PC: variants seen among roughly 807,000 people sequenced by gnomAD.
PC encodes pyruvate carboxylase, mitochondrial.
PC carries 46 observed loss-of-function variants against 107.8 expected under a neutral mutation model. The observed-to-expected ratio is 0.43, with a 90% CI of 0.34 to 0.55. PC has a LOEUF of 0.55. PC is among the 20% of genes least tolerant of loss of function. The pLI is 0.04. For missense variants in PC, 1,241 were observed against 1,643.1 expected, an observed-to-expected ratio of 0.76 and a Z score of 4.23; for synonymous variants, 662 against 684.7, an observed-to-expected ratio of 0.97 and a Z score of 0.52.
At chr11:66,856,659 T>G (rs988743449) in intron 12 of PC, 2 of 152,252 alleles carry the variant, frequency 1.3e-5, no homozygotes, top group African/African-American at 4.8e-5. Context: ...GACGTGTGGG[T>G]GTGTGGGCAT....
Position 66,857,403 on chromosome 11 carries a change from GTGGGGAGGCGGCTGGCGATTCC to G in PC, c.1369-4042_1369-4021del. Reference sequence around the variant, plus strand: ...CTGGCGGGGGAGGGTATGGCGGGGAGTGGGGAGGCGGCTGGCGATTCCTGGGGACGCCTGGGAAAGGAAGTTC... The same window carrying G: ...CTGGCGGGGGAGGGTATGGCGGGGAGTGGGGACGCCTGGGAAAGGAAGTTC... On this transcript the variant is annotated intron_variant, in intron 12 of 22. Coordinates refer to ENST00000393960, the MANE Select transcript of PC (RefSeq NM_001040716.2). The surrounding 1 kb of genome is among the most constrained non-coding windows in gnomAD (Gnocchi z 7.1). 1 of 281,428 alleles carries G rather than the reference GTGGGGAGGCGGCTGGCGATTCC, an allele frequency of 3.6e-6. No homozygotes were observed. Among genetic ancestry groups the G allele is most frequent in the Non-Finnish European group, 6.6e-6 (1 of 150,532 alleles). The allele number at this position is 281,428 out of a possible 1,614,324, so 17.4% of individuals were successfully genotyped here.
intron 3 of PC, among the ~76,000 whole-genome samples, chr11:66,928,157 C>T (rs1351950348): frequency 2.6e-5 from 4 of 151,982 alleles, no homozygotes; most frequent in African/African-American, 4.8e-5. Context: ...GAGCCTAAGG[C>T]GGGCGGATCA....
chr11:66,864,581 A>C (rs1946413186), intron 11 of PC, among the ~76,000 whole-genome samples: 1 of 152,074 alleles, frequency 6.6e-6, no homozygotes, highest in Admixed American at 6.5e-5. Context: ...GAGGGAGAGG[A>C]GGCAACGAGG....
intron 12 of PC, among the ~76,000 whole-genome samples, chr11:66,863,459 G>A (rs1030065091): frequency 2.6e-5 from 4 of 152,240 alleles, no homozygotes; most frequent in Non-Finnish European, 4.4e-5. Flanking sequence ...CACATTCCAG[G>A]TGATTCTCAC....
At chr11:66,888,269 C>A (rs540518094) in intron 3 of PC, among the ~76,000 whole-genome samples, 1 of 152,324 alleles carries the variant, frequency 6.6e-6, no homozygotes, top group South Asian at 2.1e-4. Flanking sequence ...GTAATGTCCT[C>A]CAATTTTGGA....
At chr11:66,919,764 G>A (rs1948549928) in intron 3 of PC, 1 of 152,194 alleles carries the variant, frequency 6.6e-6, no homozygotes, top group Non-Finnish European at 1.5e-5. Flanking sequence ...CTAGGCGTTA[G>A]TGTTACAGCA....
chr11:66,865,472 C>T (rs1946452816), intron 11 of PC, among the ~76,000 whole-genome samples: 1 of 152,256 alleles, frequency 6.6e-6, no homozygotes, highest in African/African-American at 2.4e-5. Context: ...CGCAGGGCTC[C>T]TGCCCACAGC....
chr11:66,935,521 T>C (rs1163007756), intron 3 of PC, among the ~76,000 whole-genome samples: 1 of 152,174 alleles, frequency 6.6e-6, no homozygotes, highest in African/African-American at 2.4e-5. Context: ...CAAACGTCCA[T>C]GAAGTGATAA....
chr11:66,924,589 T>C (rs1948671193), intron 3 of PC, among the ~76,000 whole-genome samples: 2 of 152,064 alleles, frequency 1.3e-5, no homozygotes, highest in Non-Finnish European at 2.9e-5. Context: ...TAGCTGAGAC[T>C]ACAGGTGCGC....
At position 66,866,475 on chromosome 11, in the gene PC, T is replaced by C. The variant is rs1946501665; in HGVS notation, c.1023-126A>G. Reference sequence around the variant, plus strand: ...CAGTGCGACTCCTGCCCATAGGCTCTGGGCCAGCCTGAACAGCCGGTTCCT... The same window carrying C: ...CAGTGCGACTCCTGCCCATAGGCTCCGGGCCAGCCTGAACAGCCGGTTCCT... On this transcript the variant is annotated intron_variant, in intron 10 of 22. Coordinates refer to ENST00000393960, the MANE Select transcript of PC (RefSeq NM_001040716.2). This position sits in a 1 kb window ranked among gnomAD's most constrained non-coding sequence, Gnocchi z 5.4. 1 of 715,840 alleles carries C rather than the reference T, an allele frequency of 1.4e-6. No homozygotes were observed. The highest frequency in any genetic ancestry group is 2.2e-5 in the Admixed American group (1 of 45,420). The allele number at this position is 715,840 out of a possible 1,614,324, so 44.3% of individuals were successfully genotyped here.
At chr11:66,925,578 T>C (rs1043373543) in intron 3 of PC, among the ~76,000 whole-genome samples, 1 of 152,160 alleles carries the variant, frequency 6.6e-6, no homozygotes, top group Admixed American at 6.5e-5. Context: ...AGATTTCATA[T>C]TGTTCAAACA....
chr11:66,850,928 G>C lies in PC; in HGVS notation c.2224-5C>G. On this transcript the variant is annotated splice_polypyrimidine_tract_variant and splice_region_variant and intron_variant, in intron 17 of 22. Coordinates refer to ENST00000393960, the MANE Select transcript of PC (RefSeq NM_001040716.2). ...CTTCAGCAGCCCGGCCATGTCCTGG[G>C]GGAAGTGGGAGAGAGAGAGAGAGAG... The C allele has an allele frequency of 1.2e-6, 2 of 1,608,368 alleles. No individual in the cohort carries two copies. The highest frequency in any genetic ancestry group is 1.7e-6 in the Non-Finnish European group (2 of 1,179,940).
At chr11:66,936,328 A>G (rs867111390) in intron 3 of PC, among the ~76,000 whole-genome samples, 1 of 152,170 alleles carries the variant, frequency 6.6e-6, no homozygotes, top group Non-Finnish European at 1.5e-5. Flanking sequence ...CTACACACAC[A>G]TAAGGGATAT....
rs749176333 is a variant in PC, at chr11:66,851,135, C to T, written c.2128G>A (p.Val710Met). The change falls in exon 17 of 23, where the codon GTG becomes ATG. Residue 710 changes from valine to methionine, a missense_variant. Physicochemically the swap from Val to Met is conservative, Grantham distance 21. Around this residue, in one of 2 missense-constraint regions of PC, gnomAD observed 1,143 missense variants for 1,551.9 expected, o/e 0.74. Coordinates refer to ENST00000393960, the MANE Select transcript of PC (RefSeq NM_001040716.2). ...TACTTGGTGCGGCTGGGGTCGGCCA[C>T]GTCGCCCGTGTATGAGATGGCAGCC... ...VEAAISYTGDVADPSRTKYSL... is the reference protein window; with the variant it reads ...VEAAISYTGDMADPSRTKYSL... 1.6e-5 allele frequency: 26 copies of T among 1,612,534 alleles called. No homozygotes were observed. Among genetic ancestry groups the T allele is most frequent in the African/African-American group, 5.3e-5 (4 of 74,932 alleles).
At chr11:66,868,590 G>T (rs1157338304) in intron 10 of PC, among the ~76,000 whole-genome samples, 1 of 152,200 alleles carries the variant, frequency 6.6e-6, no homozygotes, top group African/African-American at 2.4e-5. Flanking sequence ...ACCTGGGCCT[G>T]AGCAATCGGC....
rs961869579 is a variant in PC, at chr11:66,849,693, T to C, written c.3065A>G (p.Asp1022Gly). 1.9e-6 allele frequency: 3 copies of C among 1,614,120 alleles called. No individual in the cohort carries two copies. Among genetic ancestry groups the C allele is most frequent in the Non-Finnish European group, 2.5e-6 (3 of 1,180,002 alleles). The change falls in exon 21 of 23, where the codon GAC becomes GGC. Residue 1022 changes from aspartate (D) to glycine (G), a missense_variant. Physicochemically the swap from Asp to Gly is moderately conservative, Grantham distance 94 (BLOSUM62 -1). Coordinates refer to ENST00000393960, the MANE Select transcript of PC (RefSeq NM_001040716.2). ...CAGGGGGCCAAAGGTGGCAGTGAAG[T>C]CCTTGAAGTGGGCAAACACATCGGG... ...MYPDVFAHFK[D>G]FTATFGPLDS...
At chr11:66,851,368 C>A in intron 16 of PC, 88 bp from the exon 17 acceptor site, 1 of 1,569,898 alleles carries the variant, frequency 6.4e-7, no homozygotes, top group Admixed American at 1.7e-5. Flanking sequence ...CACTCTATGG[C>A]CCCTGGGGAA....
chr11:66,867,816 T>C (rs1312652317), intron 10 of PC, among the ~76,000 whole-genome samples: 1 of 152,226 alleles, frequency 6.6e-6, no homozygotes, highest in African/African-American at 2.4e-5. Context: ...GTGTTGGCCT[T>C]GTCTCTAAGC....
At chr11:66,854,209 C>T (rs531563733) in intron 12 of PC, among the ~76,000 whole-genome samples, 28 of 152,362 alleles carry the variant, frequency 1.8e-4, no homozygotes, top group Non-Finnish European at 1.6e-4. Flanking sequence ...CACCCTCCAC[C>T]GCCTTCCTCA....
Sources: gnomAD v4.1 joint callset for allele counts (sites outside exome capture counted in the v4.1 genomes callset) on GRCh38, gnomAD v4.1.1 for gene constraint, gnomAD v4.1.1 regional missense constraint, Gnocchi (gnomAD v3.1) non-coding constraint, MANE v1.5 for transcripts, NCBI Gene and HGNC (gene_info 2026-07-23, HGNC 2026-07-21) for gene names.